Variants in EIF2S3 observed in about 807,000 individuals in gnomAD.
EIF2S3 encodes eukaryotic translation initiation factor 2 subunit gamma, also known as eukaryotic translation initiation factor 2 subunit 3.
A neutral mutation model predicts 31.7 loss-of-function variants in EIF2S3; 2 were observed. The ratio of observed to expected loss-of-function variants is 0.06; its 90% CI spans 0.03 to 0.20. The LOEUF (loss-of-function observed/expected upper bound fraction) is 0.20. Among genes scored for constraint, EIF2S3 ranks in the 10% least tolerant of loss-of-function variants. The pLI is 1.00. For synonymous variants in EIF2S3, 120 were observed against 126.7 expected (o/e 0.95, Z 0.36); for missense variants, 96 against 359.3 (o/e 0.27, Z 5.92).
intron 11 of EIF2S3, among the ~76,000 whole-genome samples, chrX:24,075,879 T>A (rs753777873): frequency 4.9e-4 from 54 of 110,645 alleles, no homozygotes; most frequent in African/African-American, 1.7e-3. Context: ...AATTTTTTTG[T>A]TTTTTGTAGA....
In EIF2S3 at chrX:24,078,152, T is replaced by C. The variant is rs947937933; in HGVS notation, c.*1367T>C. On this transcript the variant is annotated 3_prime_UTR_variant, in exon 12 of 12. Transcript: ENST00000253039. ...GTGATTCTCGTGCTTCAGCCTCCCA[T>C]GTAGCTGATATTACAGGCACTTGCC... Among the ~76,000 whole-genome samples the C allele has an allele frequency of 9.1e-6, 1 of 110,186 alleles. No homozygotes were observed. Among genetic ancestry groups the C allele is most frequent in the African/African-American group, 3.3e-5 (1 of 30,342 alleles).
At position 24,077,626 on chromosome X, in the gene EIF2S3, G is replaced by A. The variant is rs1376285359; in HGVS notation, c.*841G>A. 6 of 111,244 alleles carry A rather than the reference G, an allele frequency of 5.4e-5. No homozygotes were observed. The highest frequency in any genetic ancestry group is 2.9e-4 in the Admixed American group (3 of 10,363). 9.2% of individuals were successfully genotyped at this position (111,244 alleles called of 1,213,427 possible). A position where few individuals can be genotyped will look rare whatever the true frequency, so the allele number is the denominator to read the frequency against. On this transcript the variant is annotated 3_prime_UTR_variant, in exon 12 of 12. Coordinates refer to ENST00000253039, the MANE Select transcript of EIF2S3 (RefSeq NM_001415.4). Reference sequence around the variant, plus strand: ...GCATGAAAAGGAAATGAATGGATTCGAATGAAATTGTCCTTTAGAGCATGA... The same window carrying A: ...GCATGAAAAGGAAATGAATGGATTCAAATGAAATTGTCCTTTAGAGCATGA...
At chrX:24,060,613 C>T (rs904497351) in intron 5 of EIF2S3, 7 of 132,695 alleles carry the variant, frequency 5.3e-5, no homozygotes, top group East Asian at 2.0e-4. Flanking sequence ...TGAAGGGTAG[C>T]GTATGCTTTG....
At chrX:24,062,264 A>C in intron 5 of EIF2S3, 152 bp from the exon 6 acceptor site, 25 of 525,453 alleles carry the variant, frequency 4.8e-5, no homozygotes, top group Non-Finnish European at 6.8e-5. Context: ...CCGCAAAAGG[A>C]AACCCCATGC....
intron 7 of EIF2S3, among the ~76,000 whole-genome samples, chrX:24,064,593 C>T (rs149964882): frequency 0.017 from 1,937 of 111,985 alleles, 40 homozygotes; most frequent in African/African-American, 0.059. Flanking sequence ...TTTGGGGGGC[C>T]GAGGTGGGTG....
intron 10 of EIF2S3, 46 bp downstream of exon 10, chrX:24,071,773 G>T: frequency 8.7e-7 from 1 of 1,144,503 alleles, no homozygotes; most frequent in Non-Finnish European, 1.2e-6. Flanking sequence ...AGTGACAAAT[G>T]GGAGTGTTAA....
intron 5 of EIF2S3, among the ~76,000 whole-genome samples, chrX:24,061,876 A>C (rs903051969): frequency 5.4e-5 from 6 of 111,453 alleles, no homozygotes; most frequent in African/African-American, 2.0e-4. Flanking sequence ...ATACCTGAGC[A>C]AAAGCTGAGT....
intron 9 of EIF2S3, among the ~76,000 whole-genome samples, chrX:24,070,448 T>TG (rs1930651253): frequency 2.5e-5 from 2 of 81,587 alleles, no homozygotes; most frequent in Admixed American, 2.7e-4. Flanking sequence ...AGTTTTTTTT[T>TG]TTTTTTTTTT....
chrX:24,055,749 C>T, intron 2 of EIF2S3, 71 bp downstream of exon 2: 1 of 980,848 alleles, frequency 1.0e-6, no homozygotes, highest in Non-Finnish European at 1.5e-6. Context: ...TGTGTGATTA[C>T]TTGAATAGTA....
intron 6 of EIF2S3, among the ~76,000 whole-genome samples, chrX:24,063,783 A>T (rs1930529337): frequency 9.0e-6 from 1 of 111,695 alleles, no homozygotes; most frequent in Non-Finnish European, 1.9e-5. Flanking sequence ...TCCAAAAAAA[A>T]AAAGTATATA....
rs1354416948 is a variant in EIF2S3 at position 24,076,924 on chromosome X, CTCTTTTT to C, written c.*141_*147del. On this transcript the variant is annotated 3_prime_UTR_variant, in exon 12 of 12. Coordinates refer to ENST00000253039, the MANE Select transcript of EIF2S3 (RefSeq NM_001415.4). The stretch of plus-strand genomic sequence containing the variant: ...CTTAGTAGGTAACGGTAAGGTTATT[CTCTTTTT>C]TTTTTTTTTTTTTTTTGGTTATGAA... 47 of 117,540 alleles carry C rather than the reference CTCTTTTT, an allele frequency of 4.0e-4. No homozygotes were observed. The highest frequency in any genetic ancestry group is 6.2e-4 in the South Asian group (2 of 3,248). The allele number at this position is 117,540 out of a possible 1,213,427, so 9.7% of individuals were successfully genotyped here. A position where few individuals can be genotyped will look rare whatever the true frequency, so the allele number is the denominator to read the frequency against.
rs1930793188 is a variant in EIF2S3, at chrX:24,078,558, A to G, written c.*1773A>G. Reference sequence around the variant, plus strand: ...TTGAGAAGTAGGTATATTAAATTACAGAATCTTACTGAGTTTTGGTAGACT... The same window carrying G: ...TTGAGAAGTAGGTATATTAAATTACGGAATCTTACTGAGTTTTGGTAGACT... On this transcript the variant is annotated 3_prime_UTR_variant, in exon 12 of 12. Coordinates refer to ENST00000253039, the MANE Select transcript of EIF2S3 (RefSeq NM_001415.4). Among the ~76,000 whole-genome samples the G allele has an allele frequency of 1.8e-5, 2 of 112,080 alleles. No homozygotes were observed. The highest frequency in any genetic ancestry group is 6.5e-5 in the African/African-American group (2 of 30,914).
rs760316459 is a variant in EIF2S3, at chrX:24,077,953, A to C, written c.*1168A>C. On this transcript the variant is annotated 3_prime_UTR_variant, in exon 12 of 12. Transcript: ENST00000253039. ...TGGATGTTTCAAAAGGTCAAGAAGTAAAAGATGTTAGAAAGCAATGAGTGA... is the reference window on the plus strand; with the variant it reads ...TGGATGTTTCAAAAGGTCAAGAAGTCAAAGATGTTAGAAAGCAATGAGTGA... 4 of 112,048 alleles carry C rather than the reference A, an allele frequency of 3.6e-5. No homozygotes were observed. Among genetic ancestry groups the C allele is most frequent in the Non-Finnish European group, 7.5e-5 (4 of 53,257 alleles). The allele number at this position is 112,048 out of a possible 1,213,427, so 9.2% of individuals were successfully genotyped here.
chrX:24,055,827 T>C, intron 2 of EIF2S3, 149 bp downstream of exon 2: 1 of 567,528 alleles, frequency 1.8e-6, no homozygotes, highest in South Asian at 3.0e-5. Context: ...ACATTTGCGG[T>C]GCAGGGGGAG....
chrX:24,068,358 T>C (rs12394360), intron 9 of EIF2S3, among the ~76,000 whole-genome samples: 4,374 of 111,542 alleles, frequency 0.039, 227 homozygotes, highest in African/African-American at 0.13. Flanking sequence ...TTTAGCAATA[T>C]AAAAAAATAA....
chrX:24,057,459 G>A lies in EIF2S3; in HGVS notation c.172G>A (p.Val58Ile). Reference sequence around the variant, plus strand: ...TGTAGCTCATGGGAAATCCACAGTCGTCAAAGCTATTTCTGGAGTTCATAC... The same window carrying A: ...TGTAGCTCATGGGAAATCCACAGTCATCAAAGCTATTTCTGGAGTTCATAC... ...GHVAHGKSTVVKAISGVHTVR... is the reference protein window; with the variant it reads ...GHVAHGKSTVIKAISGVHTVR... Residue 58 changes from valine (V) to isoleucine (I), a missense_variant, in exon 3 of 12, where the codon GTC becomes ATC. Val to Ile is a conservative substitution (Grantham distance 29). Coordinates refer to ENST00000253039, the MANE Select transcript of EIF2S3 (RefSeq NM_001415.4). The A allele has an allele frequency of 8.3e-7, 1 of 1,209,019 alleles. No homozygotes were observed. The highest frequency in any genetic ancestry group is 3.0e-5 in the East Asian group (1 of 33,857).
intron 8 of EIF2S3, among the ~76,000 whole-genome samples, chrX:24,067,169 G>A (rs1437837138): frequency 1.8e-5 from 2 of 110,411 alleles, no homozygotes; most frequent in Non-Finnish European, 3.8e-5. Context: ...ACAGCCTCCC[G>A]ACTTGCTGGG....
At chrX:24,060,215 A>AT in intron 5 of EIF2S3, 33 bp downstream of exon 5, 1 of 1,087,848 alleles carries the variant, frequency 9.2e-7, no homozygotes, top group Non-Finnish European at 1.3e-6. Flanking sequence ...GGACAAATCA[A>AT]TGTGGAACAA....
In EIF2S3 at chrX:24,054,992, G is replaced by C. The variant is rs1930378056; in HGVS notation, c.24G>C (p.Val8=). The change falls in exon 1 of 12, where the codon GTG becomes GTC. Residue 8 remains valine (V), a synonymous_variant. Coordinates refer to ENST00000253039, the MANE Select transcript of EIF2S3 (RefSeq NM_001415.4). MAGGEAG[V]TLGQPHLSRQ... ...ACATGGCGGGCGGAGAAGCTGGAGT[G>C]ACTCTAGGGCAGCCGCATCTTTCGC... is the stretch of plus-strand genomic sequence containing the variant. 8.3e-7 allele frequency: 1 copy of C among 1,209,159 alleles called. No homozygotes were observed. The highest frequency in any genetic ancestry group is 1.8e-5 in the African/African-American group (1 of 57,096).
Sources: gnomAD v4.1 joint callset for allele counts (sites outside exome capture counted in the v4.1 genomes callset) on GRCh38, gnomAD v4.1.1 for gene constraint, MANE v1.5 for transcripts, NCBI Gene and HGNC (gene_info 2026-07-23, HGNC 2026-07-21) for gene names.